Variants in KLHL3 observed in about 807,000 individuals in gnomAD.
KLHL3 encodes kelch like family member 3.
KLHL3 carries 19 observed loss-of-function variants against 70.5 expected under a neutral mutation model. The observed-to-expected ratio is 0.27, with a 90% CI of 0.19 to 0.40. KLHL3 has a LOEUF of 0.40. KLHL3 is among the 10% of genes least tolerant of loss of function. KLHL3 has a pLI of 1.00. For synonymous variants in KLHL3, 258 were observed against 290.3 expected (o/e 0.89, Z 1.13); for missense variants, 512 against 771.1 (o/e 0.66, Z 3.98).
chr5:137,714,217 TAGA>T (rs1185238131), intron 2 of KLHL3, among the ~76,000 whole-genome samples: 1 of 152,068 alleles, frequency 6.6e-6, no homozygotes, highest in African/African-American at 2.4e-5. Context: ...GTGGAGAAAG[TAGA>T]AGCTTTGCTG....
rs1447709797 is a variant in KLHL3 at position 137,620,600 on chromosome 5, T to C, written c.*1498A>G. The C allele has an allele frequency of 6.6e-6, 1 of 152,220 alleles. No homozygotes were observed. Among genetic ancestry groups the C allele is most frequent in the African/African-American group, 2.4e-5 (1 of 41,448 alleles). 9.4% of individuals were successfully genotyped at this position (152,220 alleles called of 1,614,324 possible). On this transcript the variant is annotated 3_prime_UTR_variant, in exon 15 of 15. Transcript: ENST00000309755. ...ATGCCAGAAATTTCAGCATGAGCAATTTGCTAGTTTAGGAACAGCACAACT... is the reference window on the plus strand; with the variant it reads ...ATGCCAGAAATTTCAGCATGAGCAACTTGCTAGTTTAGGAACAGCACAACT...
intron 8 of KLHL3, among the ~76,000 whole-genome samples, chr5:137,646,144 C>T (rs1234505955): frequency 6.6e-6 from 1 of 151,994 alleles, no homozygotes; most frequent in East Asian, 1.9e-4. Flanking sequence ...AGGTATTTCT[C>T]TAAAAAAGAT....
At chr5:137,718,093 G>C (rs1032556069) in intron 2 of KLHL3, among the ~76,000 whole-genome samples, 7 of 152,216 alleles carry the variant, frequency 4.6e-5, no homozygotes, top group Admixed American at 2.0e-4. Context: ...ACCTCAGAGA[G>C]GGGTACAGTA....
Position 137,735,903 on chromosome 5 carries a change from G to GCAACC in KLHL3, c.-262_-258dup. The GCAACC allele has an allele frequency of 1.8e-6, 1 of 551,270 alleles. No homozygotes were observed. The highest frequency in any genetic ancestry group is 1.9e-5 in the African/African-American group (1 of 53,078). 34.1% of individuals were successfully genotyped at this position (551,270 alleles called of 1,614,324 possible). A position where few individuals can be genotyped will look rare whatever the true frequency, so the allele number is the denominator to read the frequency against. ...GCAGCCCTTTCAGCTGCTAAAAGCA[G>GCAACC]CAACCCACTTGCTCCCCCTCCCCCG... On this transcript the variant is annotated 5_prime_UTR_variant, in exon 1 of 15. It removes the in-frame stop codon of an upstream open reading frame in the 5' UTR. Transcript: ENST00000309755.
At chr5:137,717,074 T>A (rs1752908189) in intron 2 of KLHL3, among the ~76,000 whole-genome samples, 1 of 152,248 alleles carries the variant, frequency 6.6e-6, no homozygotes, top group African/African-American at 2.4e-5. Flanking sequence ...TGGCCAAACT[T>A]TCATTTTGTC....
intron 2 of KLHL3, among the ~76,000 whole-genome samples, 175 bp from the exon 3 acceptor site, chr5:137,710,031 CCCTGATAAA>C (rs1343488405): frequency 6.6e-6 from 1 of 152,136 alleles, no homozygotes; most frequent in Non-Finnish European, 1.5e-5. Context: ...TTTTCCAAGT[CCCTGATAAA>C]CCTGACATTC....
intron 12 of KLHL3, among the ~76,000 whole-genome samples, chr5:137,630,275 ACT>A (rs1405292123): frequency 1.3e-5 from 2 of 151,936 alleles, no homozygotes; most frequent in African/African-American, 2.4e-5. Context: ...GGGACACTGG[ACT>A]CCCAGGCAAT....
rs117148200 is a variant in KLHL3, at chr5:137,692,046, T to C, written c.526+239A>G. Among the ~76,000 whole-genome samples, 1,083 of 152,326 alleles carry C rather than the reference T, an allele frequency of 7.1e-3. 7 individuals are homozygous for C. Among genetic ancestry groups the C allele is most frequent in the East Asian group, 0.02 (102 of 5,184 alleles). Reference sequence around the variant, plus strand: ...CCCACTCCCCAAATCTTCTTGGATCTCCTTCCTCTACTCTAGTGAAAATTA... The same window carrying C: ...CCCACTCCCCAAATCTTCTTGGATCCCCTTCCTCTACTCTAGTGAAAATTA... On this transcript the variant is annotated intron_variant, in intron 5 of 14. Transcript: ENST00000309755.
At chr5:137,683,806 A>G (rs570795043) in intron 5 of KLHL3, among the ~76,000 whole-genome samples, 21 of 150,826 alleles carry the variant, frequency 1.4e-4, no homozygotes, top group South Asian at 8.4e-4. Flanking sequence ...ATGCACGCGC[A>G]CACACACACA....
intron 14 of KLHL3, 69 bp from the exon 15 acceptor site, chr5:137,622,195 A>G: frequency 1.3e-6 from 2 of 1,543,356 alleles, no homozygotes; most frequent in East Asian, 2.2e-5. Flanking sequence ...CAGTGAGTTC[A>G]TGAATCCAAG....
intron 5 of KLHL3, among the ~76,000 whole-genome samples, chr5:137,683,486 A>G (rs1752084615): frequency 6.6e-6 from 1 of 152,202 alleles, no homozygotes; most frequent in South Asian, 2.1e-4. Flanking sequence ...CTATTTTTAG[A>G]GGCCAGAGGC....
chr5:137,724,118 C>T (rs1050407591), intron 1 of KLHL3, among the ~76,000 whole-genome samples: 8 of 152,138 alleles, frequency 5.3e-5, no homozygotes, highest in Non-Finnish European at 8.8e-5. Context: ...TTGCATCCTT[C>T]GGATAAATCT....
chr5:137,638,838 TG>T, intron 10 of KLHL3, 114 bp downstream of exon 10: 1 of 974,236 alleles, frequency 1.0e-6, no homozygotes, highest in Admixed American at 2.1e-5. Context: ...GATATGTCCC[TG>T]GGGCAGTAGC....
intron 13 of KLHL3, among the ~76,000 whole-genome samples, chr5:137,626,984 G>A (rs987713560): frequency 9.7e-5 from 14 of 144,304 alleles, no homozygotes; most frequent in South Asian, 2.2e-4. Context: ...CTGAGAGAGC[G>A]AGATCCTGTC....
intron 3 of KLHL3, chr5:137,707,615 A>G (rs1287501025): frequency 6.5e-6 from 1 of 154,322 alleles, no homozygotes; most frequent in Non-Finnish European, 1.5e-5. Flanking sequence ...TTTACCTGTA[A>G]TAAACACATG....
At position 137,709,741 on chromosome 5, in the gene KLHL3, T is replaced by C; in HGVS notation, c.241+9A>G. The stretch of plus-strand genomic sequence containing the variant: ...ATAACCATGGGTTAATGGTGGCCAC[T>C]CACCATACCTGTGAACATCGCACAG... On this transcript the variant is annotated intron_variant, in intron 3 of 14. Coordinates refer to ENST00000309755, the MANE Select transcript of KLHL3 (RefSeq NM_017415.3). 1 of 1,606,096 alleles carries C rather than the reference T, an allele frequency of 6.2e-7. No individual in the cohort carries two copies.
Position 137,732,530 on chromosome 5 carries a change from T to G in KLHL3, c.14+3103A>C, listed in dbSNP as rs559749987. ...CTAAAAGAAGAAATGCCAAGCCCTATGGGGTAACTTACTATAAGGAGATAG... is the reference window on the plus strand; with the variant it reads ...CTAAAAGAAGAAATGCCAAGCCCTAGGGGGTAACTTACTATAAGGAGATAG... On this transcript the variant is annotated intron_variant, in intron 1 of 14. Coordinates refer to ENST00000309755, the MANE Select transcript of KLHL3 (RefSeq NM_017415.3). Among the ~76,000 whole-genome samples the G allele has an allele frequency of 5.3e-5, 8 of 151,660 alleles. No homozygotes were observed. The South Asian group carries it at 1.7e-3, about 32-fold the overall frequency.
chr5:137,647,685 G>C (rs760797470), intron 8 of KLHL3: 2 of 434,806 alleles, frequency 4.6e-6, no homozygotes, highest in Admixed American at 2.5e-5. Context: ...TGTCGAGGTC[G>C]AGCCAGAAGA....
chr5:137,733,435 A>G (rs1248324366), intron 1 of KLHL3, among the ~76,000 whole-genome samples: 1 of 152,198 alleles, frequency 6.6e-6, no homozygotes, highest in Admixed American at 6.5e-5. Flanking sequence ...CCCATGCAGT[A>G]GTCAATGGGG....
Sources: gnomAD v4.1 joint callset for allele counts (sites outside exome capture counted in the v4.1 genomes callset) on GRCh38, gnomAD v4.1.1 for gene constraint, MANE v1.5 for transcripts, NCBI Gene and HGNC (gene_info 2026-07-23, HGNC 2026-07-21) for gene names.